RIPOR2: variants seen among roughly 807,000 people sequenced by gnomAD.
RIPOR2 encodes rho family-interacting cell polarization regulator 2.
Under a neutral mutation model 114.5 loss-of-function variants are expected in RIPOR2, and 39 were observed. The ratio of observed to expected loss-of-function variants is 0.34; its 90% CI spans 0.26 to 0.44. The LOEUF is 0.44. Ranked by LOEUF, RIPOR2 falls within the 20% of genes least tolerant of loss-of-function variation. The pLI is 1.00. For synonymous variants in RIPOR2, 445 were observed against 484.4 expected (o/e 0.92, Z 1.07); for missense variants, 1,007 against 1,255.1 (o/e 0.80, Z 2.99).
At chr6:25,042,058 TAAAAAA>T (rs35331447), upstream of RIPOR2, 5 of 419,828 alleles carry the variant, frequency 1.2e-5, no homozygotes, top group African/African-American at 1.1e-4. Flanking sequence ...GTTCTTTTCT[TAAAAAA>T]AAAAAAAAGA....
intron 19 of RIPOR2, among the ~76,000 whole-genome samples, chr6:24,823,798 C>T (rs768464627): frequency 3.8e-4 from 58 of 152,138 alleles, no homozygotes; most frequent in Non-Finnish European, 5.4e-4. Flanking sequence ...CGCTCTGTCA[C>T]CCAGCTGGAG....
chr6:24,839,392 A>G (rs905960881), intron 13 of RIPOR2, 120 bp from the exon 14 acceptor site: 3 of 1,436,104 alleles, frequency 2.1e-6, no homozygotes, highest in African/African-American at 2.9e-5. Flanking sequence ...ATTTTTTGTT[A>G]GCATTTAAAA....
chr6:24,939,368 G>A (rs1771992231), upstream of RIPOR2, among the ~76,000 whole-genome samples: 1 of 152,210 alleles, frequency 6.6e-6, no homozygotes, highest in Admixed American at 6.5e-5. Context: ...GTGGCAAATT[G>A]TGGGAAGGTA....
At chr6:25,022,224 C>T (rs147901155) in intron 1 of RIPOR2, among the ~76,000 whole-genome samples, 5 of 152,260 alleles carry the variant, frequency 3.3e-5, no homozygotes, top group Admixed American at 6.5e-5. Flanking sequence ...CTCATGCCTC[C>T]GTAGTCAACC....
intron 1 of RIPOR2, among the ~76,000 whole-genome samples, chr6:25,010,863 G>A (rs1387569467): frequency 6.6e-6 from 1 of 152,212 alleles, no homozygotes; most frequent in African/African-American, 2.4e-5. Flanking sequence ...GAGCATATAG[G>A]TTATAGGGGA....
intron 1 of RIPOR2, among the ~76,000 whole-genome samples, chr6:25,030,597 A>G: frequency 6.6e-6 from 1 of 152,240 alleles, no homozygotes; most frequent in Admixed American, 6.5e-5. Context: ...TGTTAAGTGA[A>G]AGAAGCAAGA....
intron 1 of RIPOR2, among the ~76,000 whole-genome samples, chr6:24,887,529 A>T (rs1766945055): frequency 6.6e-6 from 1 of 152,238 alleles, no homozygotes; most frequent in Non-Finnish European, 1.5e-5. Context: ...TCTGACTTTT[A>T]TCAAATGGAA....
chr6:24,893,254 G>C (rs1562321275), intron 1 of RIPOR2, among the ~76,000 whole-genome samples: 2 of 152,232 alleles, frequency 1.3e-5, no homozygotes, highest in African/African-American at 2.4e-5. Flanking sequence ...TGTTTGAAAA[G>C]TTTATTTACT....
In RIPOR2 at chr6:24,942,533, T is replaced by C. The variant is rs1487816057; in HGVS notation, c.77-66716A>G. Among the ~76,000 whole-genome samples, 3 of 152,288 alleles carry C rather than the reference T, an allele frequency of 2.0e-5. No homozygotes were observed. The South Asian group carries it at 6.2e-4, about 32-fold the overall frequency. On this transcript the variant is annotated intron_variant, in intron 1 of 13. Coordinates refer to the RIPOR2 transcript ENST00000510784. Reference sequence around the variant, plus strand: ...AACTAGTTTATAGTCCCACCAACAGTGTAAAAGTGCTCCTATTTCTCCACA... The same window carrying C: ...AACTAGTTTATAGTCCCACCAACAGCGTAAAAGTGCTCCTATTTCTCCACA...
chr6:24,856,261 T>C (rs1218830771), intron 8 of RIPOR2, among the ~76,000 whole-genome samples: 1 of 152,050 alleles, frequency 6.6e-6, no homozygotes, highest in African/African-American at 2.4e-5. Flanking sequence ...TCAATAATAA[T>C]TAGAACACAA....
intron 1 of RIPOR2, among the ~76,000 whole-genome samples, chr6:24,961,698 G>A (rs540323784): frequency 3.3e-5 from 5 of 151,040 alleles, no homozygotes; most frequent in Admixed American, 2.6e-4. Flanking sequence ...CACAATCTAA[G>A]CTCACAACCT....
intron 1 of RIPOR2, among the ~76,000 whole-genome samples, chr6:24,898,029 A>AGAAAGAAGGAAGGAAGGAAGGAAG (rs1378884170): frequency 2.0e-5 from 3 of 151,896 alleles, no homozygotes; most frequent in Non-Finnish European, 4.4e-5. Flanking sequence ...GAAGAAAGAA[A>AGAAAGAAGGAAGGAAGGAAGGAAG]GAAAGAAGGA....
chr6:24,825,433 A>G lies in RIPOR2; in HGVS notation c.2666-5T>C, dbSNP rs1231876499. The G allele has an allele frequency of 6.5e-7, 1 of 1,547,046 alleles. No homozygotes were observed. Among genetic ancestry groups the G allele is most frequent in the Non-Finnish European group, 8.8e-7 (1 of 1,142,428 alleles). ...GCAGAGTCTGAACCATGGAAACTGG[A>G]GGGTAAGAAGGAAGGAGATTTCATG... On this transcript the variant is annotated splice_polypyrimidine_tract_variant and splice_region_variant and intron_variant, in intron 18 of 21. Coordinates refer to ENST00000643898, the MANE Select transcript of RIPOR2 (RefSeq NM_001286445.3).
At chr6:24,936,920 G>A (rs893802289), upstream of RIPOR2, among the ~76,000 whole-genome samples, 55 of 152,086 alleles carry the variant, frequency 3.6e-4, no homozygotes, top group Non-Finnish European at 1.0e-4. Flanking sequence ...TTTATTTTTG[G>A]CACTTTATTT....
intron 1 of RIPOR2, among the ~76,000 whole-genome samples, chr6:24,887,448 T>C (rs186673976): frequency 6.6e-6 from 1 of 152,342 alleles, no homozygotes; most frequent in East Asian, 1.9e-4. Context: ...GAAAATGAGA[T>C]AACATATGTA....
intron 1 of RIPOR2, among the ~76,000 whole-genome samples, chr6:24,912,588 TCTATTTA>T (rs1769741582): frequency 6.6e-6 from 1 of 151,936 alleles, no homozygotes; most frequent in African/African-American, 2.4e-5. Flanking sequence ...CAAACATTTC[TCTATTTA>T]CTGGAGTCTG....
chr6:24,890,466 G>C (rs1019444126), intron 1 of RIPOR2, among the ~76,000 whole-genome samples: 3 of 152,136 alleles, frequency 2.0e-5, no homozygotes, highest in African/African-American at 7.2e-5. Context: ...AATGGACATA[G>C]AGTATGGAAT....
chr6:25,014,897 G>C (rs1775903474), intron 1 of RIPOR2: 1 of 152,140 alleles, frequency 6.6e-6, no homozygotes, highest in African/African-American at 2.4e-5. Context: ...TGCATTGTTG[G>C]GTTTTGTTTT....
intron 1 of RIPOR2, among the ~76,000 whole-genome samples, chr6:24,887,790 T>C (rs1766970169): frequency 6.6e-6 from 1 of 152,240 alleles, no homozygotes; most frequent in Non-Finnish European, 1.5e-5. Context: ...ATTTTAGCCC[T>C]GGGGAAAAAT....
Sources: gnomAD v4.1 joint callset for allele counts (sites outside exome capture counted in the v4.1 genomes callset) on GRCh38, gnomAD v4.1.1 for gene constraint, MANE v1.5 for transcripts, NCBI Gene and HGNC (gene_info 2026-07-23, HGNC 2026-07-21) for gene names.